Variants in DNAH17 observed in about 807,000 individuals in gnomAD.
The protein encoded by DNAH17 is dynein axonemal heavy chain 17.
A neutral mutation model predicts 485.6 loss-of-function variants in DNAH17; 376 were observed. The ratio of observed to expected loss-of-function variants is 0.77; its 90% CI spans 0.71 to 0.84. The LOEUF is 0.84. DNAH17 is among the 40% of genes least tolerant of loss of function. DNAH17 has a pLI of 0.00. For synonymous variants in DNAH17, 3,031 were observed against 2,405.9 expected (o/e 1.26, Z -7.60); for missense variants, 6,370 against 5,839.3 (o/e 1.09, Z -2.96).
intron 56 of DNAH17, among the ~76,000 whole-genome samples, chr17:78,464,753 C>T (rs1326379907): frequency 6.6e-6 from 1 of 152,242 alleles, no homozygotes; most frequent in Non-Finnish European, 1.5e-5. Flanking sequence ...TGTCCTCAGC[C>T]TTCCTGAACT....
intron 69 of DNAH17, among the ~76,000 whole-genome samples, chr17:78,447,856 AC>A (rs1303736838): frequency 1.7e-5 from 2 of 115,224 alleles, no homozygotes; most frequent in African/African-American, 1.0e-4. Flanking sequence ...ATGTAGCAAG[AC>A]CCTGTTTCTT....
intron 61 of DNAH17, 58 bp downstream of exon 61, chr17:78,458,943 G>A (rs2087945508): frequency 1.3e-6 from 2 of 1,562,672 alleles, no homozygotes; most frequent in Non-Finnish European, 8.8e-7. Flanking sequence ...GGTATTGACT[G>A]GCAGCGCGAG....
chr17:78,530,406 A>C lies in DNAH17; in HGVS notation c.3221T>G (p.Leu1074Arg), dbSNP rs1004226938. 8.7e-6 allele frequency: 14 copies of C among 1,613,714 alleles called. No individual in the cohort carries two copies. The highest frequency in any genetic ancestry group is 1.0e-5 in the Non-Finnish European group (12 of 1,179,808). The change falls in exon 21 of 81, where the codon CTC becomes CGC. Residue 1074 changes from leucine (L) to arginine (R), a missense_variant. Transcript: ENST00000389840. ...GAAGCCCCAGCGCCGGATTGTGCTG[A>C]GCAGGGCCTGCTTGAAGGGGCGGCA... ...CDCRPFKQAL[L>R]STIRRWGFMF... is the part of the protein sequence containing the mutation.
chr17:78,571,429 G>A (rs2092356062), intron 4 of DNAH17, 51 bp from the exon 5 acceptor site: 1 of 1,531,092 alleles, frequency 6.5e-7, no homozygotes. Flanking sequence ...AGACCCTAAG[G>A]CGAGGCCAAC....
intron 12 of DNAH17, 149 bp from the exon 13 acceptor site, chr17:78,561,084 G>A (rs890387692): frequency 1.3e-6 from 1 of 757,466 alleles, no homozygotes; most frequent in Non-Finnish European, 2.1e-6. Context: ...CAAACAAGCA[G>A]TGGCCAGACC....
Position 78,491,559 on chromosome 17 carries a change from T to C in DNAH17, c.6553A>G (p.Thr2185Ala). The C allele has an allele frequency of 6.2e-7, 1 of 1,613,930 alleles. No homozygotes were observed. ...TREWKDGLFS[T>A]IMRDLANITH... ...ATGTTGGCCAGGTCTCGCATGATGG[T>C]GGAGAACAGGCCTGGGGGAGGCGCG... Residue 2185 changes from threonine to alanine, a missense_variant, in exon 43 of 81, where the codon ACC (threonine) becomes GCC (alanine). Transcript: ENST00000389840.
In DNAH17 at chr17:78,526,971, G is replaced by T. The variant is rs776624187; in HGVS notation, c.3533C>A (p.Thr1178Asn). Residue 1178 changes from threonine (T) to asparagine (N), a missense_variant, in exon 23 of 81, where the codon ACC becomes AAC. Transcript: ENST00000389840. ...CTTCACCTGAATGGCCAGTTTCTTG[G>T]TATTTGCCCAGTGCTCCGGCAGCTC... Reference protein sequence around the residue: ...LQELPEHWANTKKLAIQVKLT... With the variant: ...LQELPEHWANNKKLAIQVKLT... 6.3e-7 allele frequency: 1 copy of T among 1,586,286 alleles called. No homozygotes were observed. Among genetic ancestry groups the T allele is most frequent in the Admixed American group, 1.8e-5 (1 of 55,534 alleles).
intron 55 of DNAH17, 71 bp downstream of exon 55, chr17:78,468,546 A>G (rs2088594835): frequency 2.0e-6 from 3 of 1,523,042 alleles, no homozygotes; most frequent in Non-Finnish European, 2.7e-6. Context: ...ATGCAGAGCA[A>G]AAACCCATAC....
In DNAH17 at chr17:78,426,963, A is replaced by G. The variant is rs1361853392; in HGVS notation, c.12734T>C (p.Met4245Thr). The G allele has an allele frequency of 1.2e-6, 2 of 1,610,358 alleles. No individual in the cohort carries two copies. Among genetic ancestry groups the G allele is most frequent in the African/African-American group, 2.7e-5 (2 of 74,842 alleles). Residue 4245 changes from methionine to threonine, a missense_variant, in exon 78 of 81, where the codon ATG (methionine) becomes ACG (threonine). Coordinates refer to ENST00000389840, the MANE Select transcript of DNAH17 (RefSeq NM_173628.4). Reference protein sequence around the residue: ...CERMNILTNEMRRSLKELNLG... With the variant: ...CERMNILTNETRRSLKELNLG... ...GTTCAGCTCCTTGAGCGAACGGCGC[A>G]TTTCGTTGGTCAGGATGTTCATTCT... is the stretch of plus-strand genomic sequence containing the variant.
intron 52 of DNAH17, 97 bp from the exon 53 acceptor site, chr17:78,475,930 G>A (rs1012485833): frequency 7.2e-7 from 1 of 1,388,290 alleles, no homozygotes; most frequent in Non-Finnish European, 9.7e-7. Flanking sequence ...GGTGGCCTAG[G>A]AGGTCACCAC....
At chr17:78,559,567 G>C (rs1316413192) in intron 13 of DNAH17, among the ~76,000 whole-genome samples, 1 of 152,202 alleles carries the variant, frequency 6.6e-6, no homozygotes. Context: ...CTCTTGCCTG[G>C]ACTGTGCCAA....
At chr17:78,512,666 G>T (rs2090665110) in intron 26 of DNAH17, among the ~76,000 whole-genome samples, 1 of 152,160 alleles carries the variant, frequency 6.6e-6, no homozygotes, top group Admixed American at 6.5e-5. Flanking sequence ...TGGAGGCCAG[G>T]TGCGGTGGCT....
At chr17:78,570,812 C>T (rs561248849) in intron 6 of DNAH17, 136 bp downstream of exon 6, 9 of 624,114 alleles carry the variant, frequency 1.4e-5, no homozygotes, top group African/African-American at 4.1e-5. Flanking sequence ...GAGCCGAGAT[C>T]GCGCCACAGC....
intron 74 of DNAH17, among the ~76,000 whole-genome samples, chr17:78,437,390 T>C (rs1428411664): frequency 6.6e-6 from 1 of 152,046 alleles, no homozygotes; most frequent in African/African-American, 2.4e-5. Flanking sequence ...ATAGAACTGA[T>C]TAAAAACTAT....
intron 75 of DNAH17, 93 bp downstream of exon 75, chr17:78,433,936 G>GGAAGGAGGGAGA: frequency 1.1e-6 from 1 of 911,012 alleles, no homozygotes; most frequent in East Asian, 2.6e-5. Context: ...AAGGAGGGAG[G>GGAAGGAGGGAGA]GAAGGAGGGA....
chr17:78,480,048 T>TTTTTA lies in DNAH17; in HGVS notation c.7753-417_7753-416insTAAAA, dbSNP rs1568122402. Among the ~76,000 whole-genome samples, 9 of 94,366 alleles carry TTTTTA rather than the reference T, an allele frequency of 9.5e-5. 4 individuals are homozygous for TTTTTA. Among genetic ancestry groups the TTTTTA allele is most frequent in the African/African-American group, 5.6e-4 (9 of 16,208 alleles). The allele number at this position is 94,366 out of a possible 152,430, so 61.9% of individuals were successfully genotyped here. A position where few individuals can be genotyped will look rare whatever the true frequency, so the allele number is the denominator to read the frequency against. ...TTTTTTTTTTTTTTTTTTTTTTTTTTTAAAAAAAGTATGTCCCAGGCCGGG... is the reference window on the plus strand; with the variant it reads ...TTTTTTTTTTTTTTTTTTTTTTTTTTTTTTATAAAAAAAGTATGTCCCAGGCCGGG... On this transcript the variant is annotated intron_variant, in intron 49 of 80. Coordinates refer to ENST00000389840, the MANE Select transcript of DNAH17 (RefSeq NM_173628.4).
chr17:78,556,703 C>T (rs2092030762), intron 14 of DNAH17, among the ~76,000 whole-genome samples: 1 of 152,100 alleles, frequency 6.6e-6, no homozygotes, highest in African/African-American at 2.4e-5. Context: ...CCTGATTGTA[C>T]AGGGATGTTT....
At chr17:78,459,364 G>A (rs975464590) in intron 60 of DNAH17, among the ~76,000 whole-genome samples, 156 bp from the exon 61 acceptor site, 4 of 152,158 alleles carry the variant, frequency 2.6e-5, no homozygotes, top group Admixed American at 1.3e-4. Flanking sequence ...ACCCCCCACC[G>A]GCTCTGCTCT....
In DNAH17 at chr17:78,429,236, T is replaced by A; in HGVS notation, c.12290A>T (p.Asp4097Val). ...EIMYGGHITD[D>V]WDRRLCRTYL... is the part of the protein sequence containing the mutation. ...GGTCCTGCACAGCCGACGGTCCCAG[T>A]CATCTGTGATGTGGCCGCCATACAT... The change falls in exon 76 of 81, where the codon GAC becomes GTC. Residue 4097 changes from aspartate (D) to valine (V), a missense_variant. By Grantham distance (152) the Asp-to-Val change is radical (BLOSUM62 -3). Coordinates refer to ENST00000389840, the MANE Select transcript of DNAH17 (RefSeq NM_173628.4). The A allele has an allele frequency of 6.2e-7, 1 of 1,613,902 alleles. No homozygotes were observed. Among genetic ancestry groups the A allele is most frequent in the Non-Finnish European group, 8.5e-7 (1 of 1,179,890 alleles).
Sources: gnomAD v4.1 joint callset for allele counts (sites outside exome capture counted in the v4.1 genomes callset) on GRCh38, gnomAD v4.1.1 for gene constraint, MANE v1.5 for transcripts, NCBI Gene and HGNC (gene_info 2026-07-23, HGNC 2026-07-21) for gene names.